The following SHROOM3 variants were observed in gnomAD, a reference collection of about 807,000 sequenced individuals.
SHROOM3 encodes protein Shroom3.
Under a neutral mutation model 138.6 loss-of-function variants are expected in SHROOM3, and 47 were observed. That is an observed-to-expected ratio of 0.34 (90% confidence interval 0.27 to 0.43). The LOEUF (loss-of-function observed/expected upper bound fraction) is 0.43. Ranked by LOEUF, SHROOM3 falls within the 20% of genes least tolerant of loss-of-function variation. The pLI, the probability that SHROOM3 is intolerant of heterozygous loss-of-function variation, is 1.00. For synonymous variants in SHROOM3, 1,062 were observed against 1,063.3 expected (o/e 1.00, Z 0.02); for missense variants, 2,491 against 2,596.5 (o/e 0.96, Z 0.88).
At chr4:76,436,347 TTATC>T in intron 1 of SHROOM3, 127 bp downstream of exon 1, 1 of 868,586 alleles carries the variant, frequency 1.2e-6, no homozygotes. Context: ...GCCTTTCTGA[TTATC>T]TAGAAATATT....
chr4:76,508,682 C>A (rs1035303825), intron 1 of SHROOM3, among the ~76,000 whole-genome samples: 2 of 152,132 alleles, frequency 1.3e-5, no homozygotes, highest in African/African-American at 4.8e-5. Flanking sequence ...AATCAATGAA[C>A]GTGGGATGTC....
chr4:76,493,251 C>A (rs925630631), intron 1 of SHROOM3, among the ~76,000 whole-genome samples: 6 of 146,004 alleles, frequency 4.1e-5, no homozygotes, highest in African/African-American at 1.5e-4. Flanking sequence ...AAAAAAAATG[C>A]CTAGTTACAT....
intron 9 of SHROOM3, among the ~76,000 whole-genome samples, chr4:76,760,450 T>C (rs1721953801): frequency 3.3e-5 from 5 of 152,218 alleles, no homozygotes; most frequent in Admixed American, 3.3e-4. Context: ...CTCAGGCATG[T>C]GTGCTGCAAA....
chr4:76,749,844 T>G (rs1721563592), intron 6 of SHROOM3, among the ~76,000 whole-genome samples: 1 of 152,168 alleles, frequency 6.6e-6, no homozygotes, highest in Non-Finnish European at 1.5e-5. Context: ...GAAAGGGTAT[T>G]CTCTGAACCA....
rs370778026 is a variant in SHROOM3, at chr4:76,760,717, C to T, written c.5349+1022C>T. 2.0e-5 allele frequency among the ~76,000 whole-genome samples: 3 copies of T among 152,248 alleles called. No homozygotes were observed. In the East Asian group the frequency reaches 5.8e-4, roughly 29 times the overall value. ...TTGTAGTAGCAAGCTCCCTGCTAGC[C>T]CAAAGTTTTCCTATTTACATACTTG... is the stretch of plus-strand genomic sequence containing the variant. On this transcript the variant is annotated intron_variant, in intron 9 of 10. Coordinates refer to ENST00000296043, the MANE Select transcript of SHROOM3 (RefSeq NM_020859.4).
chr4:76,742,128 A>G, intron 5 of SHROOM3: 1 of 707,458 alleles, frequency 1.4e-6, no homozygotes, highest in South Asian at 1.6e-5. Flanking sequence ...AGGTATCTAG[A>G]TTACGTATGT....
At chr4:76,719,042 A>G (rs1720460248) in intron 3 of SHROOM3, among the ~76,000 whole-genome samples, 1 of 152,062 alleles carries the variant, frequency 6.6e-6, no homozygotes, top group Non-Finnish European at 1.5e-5. Flanking sequence ...TACACCTTTT[A>G]CTACACCCTG....
At chr4:76,517,753 G>C (rs1349842188) in intron 1 of SHROOM3, among the ~76,000 whole-genome samples, 1 of 152,114 alleles carries the variant, frequency 6.6e-6, no homozygotes, top group Non-Finnish European at 1.5e-5. Flanking sequence ...TGCTAGCAGA[G>C]AGAGGAAAAG....
chr4:76,697,087 A>ATTT (rs1163545473), intron 2 of SHROOM3, among the ~76,000 whole-genome samples: 1 of 135,788 alleles, frequency 7.4e-6, no homozygotes, highest in African/African-American at 2.7e-5. Context: ...CAGCTAATTA[A>ATTT]TTTTTTTTTT....
At chr4:76,771,376 A>G (rs534638817) in intron 10 of SHROOM3, among the ~76,000 whole-genome samples, 1 of 152,214 alleles carries the variant, frequency 6.6e-6, no homozygotes, top group South Asian at 2.1e-4. Flanking sequence ...AAAAAAAAAA[A>G]AAGATGTACT....
chr4:76,457,795 TTTC>T (rs1477099570), intron 1 of SHROOM3, among the ~76,000 whole-genome samples: 1 of 150,632 alleles, frequency 6.6e-6, no homozygotes, highest in African/African-American at 2.5e-5. Flanking sequence ...TGGCTTTTCT[TTTC>T]TTTTTTTTTT....
intron 2 of SHROOM3, among the ~76,000 whole-genome samples, chr4:76,625,085 A>G (rs1735102713): frequency 6.6e-6 from 1 of 152,216 alleles, no homozygotes; most frequent in South Asian, 2.1e-4. Flanking sequence ...TAGTTTATGC[A>G]GTACTTTTGG....
intron 1 of SHROOM3, among the ~76,000 whole-genome samples, chr4:76,517,281 T>A (rs1422047300): frequency 6.6e-6 from 1 of 152,204 alleles, no homozygotes; most frequent in Non-Finnish European, 1.5e-5. Context: ...CACCCCAGTT[T>A]ACATGCAGTT....
intron 2 of SHROOM3, among the ~76,000 whole-genome samples, chr4:76,568,573 T>G (rs1223752827): frequency 6.6e-6 from 1 of 152,142 alleles, no homozygotes; most frequent in Non-Finnish European, 1.5e-5. Context: ...CGACCTAATT[T>G]CCTCCTGCCT....
rs574583537 is a variant in SHROOM3, at chr4:76,774,527, T to G, written c.5622+3629T>G. ...AGCCAATATGAAAAAAGTGTTCATA[T>G]TAAGATTTGGCACCATTAATGATAG... On this transcript the variant is annotated intron_variant, in intron 10 of 10. Coordinates refer to ENST00000296043, the MANE Select transcript of SHROOM3 (RefSeq NM_020859.4). Among the ~76,000 whole-genome samples, 15 of 152,196 alleles carry G rather than the reference T, an allele frequency of 9.9e-5. No individual in the cohort carries two copies. The South Asian group carries it at 3.1e-3, about 32-fold the overall frequency.
intron 2 of SHROOM3, chr4:76,688,341 T>C: frequency 1.0e-6 from 1 of 965,702 alleles, no homozygotes; most frequent in Non-Finnish European, 1.2e-6. Flanking sequence ...TCCTGCATTC[T>C]GTCAGGATAT....
intron 2 of SHROOM3, among the ~76,000 whole-genome samples, chr4:76,579,361 G>C (rs1046547781): frequency 6.6e-6 from 1 of 151,748 alleles, no homozygotes; most frequent in Non-Finnish European, 1.5e-5. Context: ...CCAGCTACTC[G>C]GGAGGCTGAG....
chr4:76,674,951 T>C (rs1219150147), intron 2 of SHROOM3, among the ~76,000 whole-genome samples: 2 of 152,182 alleles, frequency 1.3e-5, no homozygotes, highest in African/African-American at 2.4e-5. Context: ...TCTCTGGTCT[T>C]AGGGTTCATA....
At chr4:76,549,778 C>A (rs1028164962) in intron 1 of SHROOM3, among the ~76,000 whole-genome samples, 1 of 152,152 alleles carries the variant, frequency 6.6e-6, no homozygotes, top group Non-Finnish European at 1.5e-5. Context: ...CCAGCAGCAA[C>A]AAAGAGGGAG....
Sources: allele counts gnomAD v4.1 joint callset (sites outside exome capture counted in the v4.1 genomes callset), GRCh38; gene constraint gnomAD v4.1.1; transcripts MANE v1.5; gene names NCBI Gene and HGNC (gene_info 2026-07-23, HGNC 2026-07-21).